Variants in C1orf94 observed in about 807,000 individuals in gnomAD.
C1orf94 encodes chromosome 1 open reading frame 94, also known as uncharacterized protein C1orf94.
Under a neutral mutation model 53.6 loss-of-function variants are expected in C1orf94, and 45 were observed. The ratio of observed to expected loss-of-function variants is 0.84; its 90% CI spans 0.66 to 1.08. C1orf94 has a LOEUF of 1.08. Among genes scored for constraint, C1orf94 ranks in the 50% least tolerant of loss-of-function variants. C1orf94 has a pLI of 0.00. For synonymous variants in C1orf94, 304 were observed against 296.1 expected, an observed-to-expected ratio of 1.03 and a Z score of -0.27; for missense variants, 762 against 738.9, an observed-to-expected ratio of 1.03 and a Z score of -0.36.
At chr1:34,205,270 G>A (rs979913731) in intron 4 of C1orf94, among the ~76,000 whole-genome samples, 1 of 152,150 alleles carries the variant, frequency 6.6e-6, no homozygotes, top group African/African-American at 2.4e-5. Context: ...CACTGAATGG[G>A]CCCAGCTGAA....
intron 2 of C1orf94, 25 bp from the exon 3 acceptor site, chr1:34,200,747 T>C (rs1478038046): frequency 6.8e-6 from 11 of 1,612,862 alleles, no homozygotes; most frequent in Non-Finnish European, 9.3e-6. Context: ...CCAGAGGCAT[T>C]GACTCAGTTT....
chr1:34,205,632 G>C (rs1642779943), intron 4 of C1orf94, among the ~76,000 whole-genome samples: 1 of 152,160 alleles, frequency 6.6e-6, no homozygotes, highest in Non-Finnish European at 1.5e-5. Flanking sequence ...CACAGATGTT[G>C]GTTTTTATTA....
chr1:34,204,239 A>G (rs2148620175), intron 4 of C1orf94, among the ~76,000 whole-genome samples: 1 of 152,310 alleles, frequency 6.6e-6, no homozygotes, highest in South Asian at 2.1e-4. Context: ...TTCTGCATAT[A>G]AAGACTCTTC....
intron 5 of C1orf94, among the ~76,000 whole-genome samples, chr1:34,209,755 A>T (rs1642860059): frequency 6.6e-6 from 1 of 152,164 alleles, no homozygotes; most frequent in African/African-American, 2.4e-5. Context: ...CTGGGATGAG[A>T]GATGATCTGG....
intron 6 of C1orf94, among the ~76,000 whole-genome samples, chr1:34,213,230 C>A (rs960353463): frequency 3.9e-5 from 6 of 152,174 alleles, no homozygotes; most frequent in Admixed American, 1.3e-4. Flanking sequence ...ACCTTCCCAG[C>A]CTGACAGTGA....
chr1:34,212,957 G>A (rs1183217923), intron 6 of C1orf94, among the ~76,000 whole-genome samples: 1 of 152,182 alleles, frequency 6.6e-6, no homozygotes, highest in Non-Finnish European at 1.5e-5. Flanking sequence ...CAGTCTGAAG[G>A]CTTAACAGCA....
chr1:34,198,040 T>C (rs1334793887), intron 2 of C1orf94, 127 bp downstream of exon 2: 24 of 1,045,054 alleles, frequency 2.3e-5, no homozygotes, highest in Non-Finnish European at 3.2e-5. Context: ...GCCTCTCTGG[T>C]GGGCACAGCC....
chr1:34,178,180 G>T, intron 1 of C1orf94, 71 bp downstream of exon 1: 1 of 1,456,596 alleles, frequency 6.9e-7, no homozygotes, highest in South Asian at 1.4e-5. Context: ...CTGGGGGAAT[G>T]TTCTGGCCCA....
chr1:34,177,701 C>A lies in C1orf94; in HGVS notation c.-89C>A. On this transcript the variant is annotated 5_prime_UTR_variant, in exon 1 of 7. Transcript: ENST00000488417. ...CCACCCCTCCCACACAAATAGAAGG[C>A]CTCTGAACCTAACCACCTTGCTGGA... The A allele has an allele frequency of 8.2e-7, 1 of 1,217,180 alleles. No homozygotes were observed. The highest frequency in any genetic ancestry group is 1.1e-6 in the Non-Finnish European group (1 of 887,594). 75.4% of individuals were successfully genotyped at this position (1,217,180 alleles called of 1,614,324 possible). A position where few individuals can be genotyped will look rare whatever the true frequency, so the allele number is the denominator to read the frequency against.
intron 5 of C1orf94, among the ~76,000 whole-genome samples, chr1:34,211,252 T>C (rs1388355391): frequency 6.6e-6 from 1 of 152,192 alleles, no homozygotes; most frequent in Non-Finnish European, 1.5e-5. Flanking sequence ...TCCTCCCTCC[T>C]TCCTTCTGCC....
At chr1:34,198,672 A>G (rs966357665) in intron 2 of C1orf94, among the ~76,000 whole-genome samples, 3 of 152,274 alleles carry the variant, frequency 2.0e-5, no homozygotes, top group African/African-American at 4.8e-5. Flanking sequence ...CCTCTGGGCT[A>G]TGAGCATGGA....
At chr1:34,189,785 T>C (rs1677764) in intron 1 of C1orf94, among the ~76,000 whole-genome samples, 52,023 of 152,124 alleles carry the variant, frequency 0.34, 10,753 homozygotes, top group African/African-American at 0.58. Flanking sequence ...CTGGGTTCTG[T>C]CTTCTGCTGC....
In C1orf94 at chr1:34,177,858, G is replaced by T. The variant is rs1282466701; in HGVS notation, c.69G>T (p.Arg23Ser). The T allele has an allele frequency of 3.2e-6, 5 of 1,551,200 alleles. 1 individual carries two copies. In the South Asian group the frequency reaches 4.8e-5, roughly 15 times the overall value. ...GGGGCTTCCAGAAAGAGAGGAGGAG[G>T]ATGGCCAGCGGGAATGGGCTTCCTT... is the stretch of plus-strand genomic sequence containing the variant. ...GQRGFQKERR[R>S]MASGNGLPSS... Residue 23 changes from arginine (R) to serine (S), a missense_variant, in exon 1 of 7, where the codon AGG becomes AGT. Physicochemically the swap from Arg to Ser is moderately radical, Grantham distance 110. Transcript: ENST00000488417.
intron 6 of C1orf94, among the ~76,000 whole-genome samples, chr1:34,218,383 C>T (rs1262045866): frequency 6.6e-6 from 1 of 152,066 alleles, no homozygotes; most frequent in Non-Finnish European, 1.5e-5. Flanking sequence ...AGAGAGGGTC[C>T]CTGTTCTATG....
chr1:34,214,933 ATCTG>A (rs2148624080), intron 6 of C1orf94, among the ~76,000 whole-genome samples: 1 of 152,320 alleles, frequency 6.6e-6, no homozygotes, highest in Admixed American at 6.5e-5. Context: ...AGAGGGGATG[ATCTG>A]TTCATTCAAA....
intron 1 of C1orf94, among the ~76,000 whole-genome samples, chr1:34,183,862 A>C (rs1642346533): frequency 1.3e-5 from 2 of 152,144 alleles, no homozygotes; most frequent in African/African-American, 2.4e-5. Flanking sequence ...GTCTCAAAAA[A>C]AAAAAAAAAT....
At chr1:34,202,342 TCA>T in intron 4 of C1orf94, 83 bp downstream of exon 4, 7 of 1,469,122 alleles carry the variant, frequency 4.8e-6, no homozygotes, top group Non-Finnish European at 6.5e-6. Context: ...GGGGTCTATT[TCA>T]CAGAGTCTTT....
upstream of C1orf94, among the ~76,000 whole-genome samples, chr1:34,172,224 C>G (rs996611567): frequency 1.1e-4 from 17 of 152,216 alleles, no homozygotes; most frequent in African/African-American, 3.9e-4. Context: ...GACTTTGTTT[C>G]TACCTCACTG....
At chr1:34,190,774 T>TC (rs1473472092) in intron 1 of C1orf94, among the ~76,000 whole-genome samples, 1 of 152,210 alleles carries the variant, frequency 6.6e-6, no homozygotes, top group Non-Finnish European at 1.5e-5. Flanking sequence ...AACTTCTCTG[T>TC]CCCTTGGCTT....
Sources: gnomAD v4.1 joint callset for allele counts (sites outside exome capture counted in the v4.1 genomes callset) on GRCh38, gnomAD v4.1.1 for gene constraint, MANE v1.5 for transcripts, NCBI Gene and HGNC (gene_info 2026-07-23, HGNC 2026-07-21) for gene names.